Variants in HSPG2 observed in about 807,000 individuals in gnomAD.
HSPG2 encodes heparan sulfate proteoglycan 2, also known as basement membrane-specific heparan sulfate proteoglycan core protein.
A neutral mutation model predicts 526.6 loss-of-function variants in HSPG2; 278 were observed. The ratio of observed to expected loss-of-function variants is 0.53; its 90% confidence interval spans 0.48 to 0.58. The LOEUF (loss-of-function observed/expected upper bound fraction) is 0.58, where lower values mean the gene tolerates loss of function less well. Ranked by LOEUF, HSPG2 falls within the 20% of genes least tolerant of loss-of-function variation. HSPG2 has a pLI of 0.00. For missense variants in HSPG2, 5,354 were observed against 6,099.5 expected, an observed-to-expected ratio of 0.88 and a Z score of 4.07; for synonymous variants, 2,465 against 2,555.4, an observed-to-expected ratio of 0.96 and a Z score of 1.07.
At chr1:21,878,043 C>T (rs1029339814) in intron 21 of HSPG2, 143 bp downstream of exon 21, 9 of 722,232 alleles carry the variant, frequency 1.2e-5, no homozygotes, top group Middle Eastern at 3.9e-4. Flanking sequence ...TACGGAAGGC[C>T]GGTGGGCCAG....
intron 9 of HSPG2, 151 bp from the exon 10 acceptor site, chr1:21,885,602 G>GCATGATGCGGCCAC (rs1641835578): frequency 1.2e-6 from 1 of 862,274 alleles, no homozygotes; most frequent in East Asian, 2.7e-5. Flanking sequence ...CTCACAGCCA[G>GCATGATGCGGCCAC]CATGATGCGG....
At chr1:21,860,114 C>T in intron 40 of HSPG2, 63 bp downstream of exon 40, 3 of 1,607,462 alleles carry the variant, frequency 1.9e-6, no homozygotes, top group African/African-American at 1.3e-5. Flanking sequence ...CCCAGTATCC[C>T]CCAAATTCCC....
intron 91 of HSPG2, among the ~76,000 whole-genome samples, chr1:21,825,468 A>C (rs2097969128): frequency 6.6e-6 from 1 of 152,148 alleles, no homozygotes; most frequent in Non-Finnish European, 1.5e-5. Flanking sequence ...TGTTCTCTCC[A>C]TCTTACAGAA....
rs771803144 is a variant in HSPG2 at position 21,890,088 on chromosome 1, G to A, written c.467C>T (p.Ala156Val). 27 of 1,613,816 alleles carry A rather than the reference G, an allele frequency of 1.7e-5. No homozygotes were observed. Among genetic ancestry groups the A allele is most frequent in the Middle Eastern group, 1.6e-4 (1 of 6,082 alleles). The change falls in exon 6 of 97, where the codon GCG becomes GTG. Residue 156 changes from alanine to valine, a missense_variant. Ala to Val is a moderately conservative substitution (Grantham distance 64). Coordinates refer to ENST00000374695, the MANE Select transcript of HSPG2 (RefSeq NM_005529.7). The surrounding 1 kb of genome is among the most constrained non-coding windows in gnomAD (Gnocchi z 4.1). The stretch of plus-strand genomic sequence containing the variant: ...CATCTCCTGAATCTGAGCCCCATCC[G>A]CATTCCCTTCCGAGCCCACATCCAG... Reference protein sequence around the residue: ...VELDVGSEGNADGAQIQEMLL... With the variant: ...VELDVGSEGNVDGAQIQEMLL...
rs567933141 is a variant in HSPG2 at position 21,903,792 on chromosome 1, G to A, written c.64-7482C>T. Among the ~76,000 whole-genome samples the A allele has an allele frequency of 5.9e-5, 9 of 152,172 alleles. No homozygotes were observed. In the South Asian group the frequency reaches 1.9e-3, roughly 32 times the overall value. On this transcript the variant is annotated intron_variant, in intron 1 of 96. Transcript: ENST00000374695. ...CAGGCCCCATGTGGTCTCTGCCTTG[G>A]AGGCTCCTATGACATAGCTAGGGGT...
intron 1 of HSPG2, among the ~76,000 whole-genome samples, chr1:21,919,929 C>T (rs1643988737): frequency 6.6e-6 from 1 of 152,152 alleles, no homozygotes. Flanking sequence ...TTTTTTGAGA[C>T]AGAGTCTCGC....
chr1:21,865,287 C>T lies in HSPG2; in HGVS notation c.4393G>A (p.Glu1465Lys). ...CAGCATGGCCAGGTGCCCCTTACCT[C>T]TCGGAACATGATCTCGTAGCTCCTC... The part of the protein sequence containing the change: ...ERRSYEIMFR[E>K]EFWRRPDGQP... Residue 1465 changes from glutamate to lysine, a missense_variant and splice_region_variant, in exon 35 of 97, where the codon GAG (glutamate) becomes AAG (lysine). Physicochemically the swap from Glu to Lys is moderately conservative, Grantham distance 56. Coordinates refer to ENST00000374695, the MANE Select transcript of HSPG2 (RefSeq NM_005529.7). The surrounding 1 kb of genome is among the most constrained non-coding windows in gnomAD (Gnocchi z 5.4). 6.2e-7 allele frequency: 1 copy of T among 1,614,052 alleles called. No individual in the cohort carries two copies. Among genetic ancestry groups the T allele is most frequent in the Non-Finnish European group, 8.5e-7 (1 of 1,179,966 alleles).
rs1366187473 is a variant in HSPG2 at position 21,864,070 on chromosome 1, C to T, written c.4740+30G>A. On this transcript the variant is annotated intron_variant, in intron 37 of 96. Coordinates refer to ENST00000374695, the MANE Select transcript of HSPG2 (RefSeq NM_005529.7). The surrounding 1 kb of genome is among the most constrained non-coding windows in gnomAD (Gnocchi z 4.8). ...CCCCACCCAGGCCCAGCTGAGCTGA[C>T]CCCCTGTCCTGGCCTCGCTTGCAGC... 2 of 1,509,854 alleles carry T rather than the reference C, an allele frequency of 1.3e-6. No homozygotes were observed. The highest frequency in any genetic ancestry group is 1.2e-5 in the South Asian group (1 of 83,188). 93.5% of individuals were successfully genotyped at this position (1,509,854 alleles called of 1,614,324 possible).
At chr1:21,870,331 A>AG (rs1462432476) in intron 33 of HSPG2, 34 of 982,682 alleles carry the variant, frequency 3.5e-5, no homozygotes, top group Non-Finnish European at 4.1e-5. Flanking sequence ...AAATGGAGGG[A>AG]GCAGGCGAGC....
chr1:21,873,382 T>C lies in HSPG2; in HGVS notation c.3786A>G (p.Pro1262=). 1 of 1,613,842 alleles carries C rather than the reference T, an allele frequency of 6.2e-7. No individual in the cohort carries two copies. Among genetic ancestry groups the C allele is most frequent in the Non-Finnish European group, 8.5e-7 (1 of 1,179,908 alleles). The change falls in exon 30 of 97, where the codon CCA becomes CCG. Residue 1262 remains proline (P), a synonymous_variant. Coordinates refer to ENST00000374695, the MANE Select transcript of HSPG2 (RefSeq NM_005529.7). ...GYYGNPSQGQ[P]CQRDSQVPGP... ...CTCCCCAATCCTACTCACTCTGGCATGGCTGGCCCTGGCTGGGGTTGCCAT... is the reference window on the plus strand; with the variant it reads ...CTCCCCAATCCTACTCACTCTGGCACGGCTGGCCCTGGCTGGGGTTGCCAT...
chr1:21,874,734 G>A lies in HSPG2; in HGVS notation c.3415-5C>T. On this transcript the variant is annotated splice_region_variant and splice_polypyrimidine_tract_variant and intron_variant, in intron 26 of 96. Coordinates refer to ENST00000374695, the MANE Select transcript of HSPG2 (RefSeq NM_005529.7). ...TGTGTAGCCTGTGTCACAGTCCTGG[G>A]GGCAGAAAGATGGCAGTGGGAGGGA... is the stretch of plus-strand genomic sequence containing the variant. The A allele has an allele frequency of 6.3e-7, 1 of 1,594,972 alleles. No individual in the cohort carries two copies. Among genetic ancestry groups the A allele is most frequent in the Non-Finnish European group, 8.5e-7 (1 of 1,170,108 alleles).
At chr1:21,841,496 G>A (rs751013654) in intron 70 of HSPG2, 43 bp downstream of exon 70, 1 of 1,612,854 alleles carries the variant, frequency 6.2e-7, no homozygotes, top group African/African-American at 1.3e-5. Flanking sequence ...GAGAATCAGG[G>A]CTGGAAACAG....
chr1:21,884,606 T>A lies in HSPG2; in HGVS notation c.1576A>T (p.Ile526Phe). The change falls in exon 13 of 97, where the codon ATC becomes TTC. Residue 526 changes from isoleucine to phenylalanine, a missense_variant. Coordinates refer to ENST00000374695, the MANE Select transcript of HSPG2 (RefSeq NM_005529.7). ...AACLPCFCFGITSVCQSTRRF... is the reference protein window; with the variant it reads ...AACLPCFCFGFTSVCQSTRRF... ...CGGGTGCTCTGGCACACGCTGGTGA[T>A]GCCAAAGCAGAAGCAGGGCAGGCAG... is the stretch of plus-strand genomic sequence containing the variant. 6.2e-7 allele frequency: 1 copy of A among 1,610,902 alleles called. No homozygotes were observed. The highest frequency in any genetic ancestry group is 8.5e-7 in the Non-Finnish European group (1 of 1,179,786).
intron 1 of HSPG2, among the ~76,000 whole-genome samples, chr1:21,906,308 G>A (rs1442280531): frequency 6.6e-6 from 1 of 152,192 alleles, no homozygotes; most frequent in Non-Finnish European, 1.5e-5. Context: ...TGGCTCCAGG[G>A]CCTTGCGCAA....
intron 74 of HSPG2, among the ~76,000 whole-genome samples, 186 bp downstream of exon 74, chr1:21,838,639 G>A (rs535590504): frequency 2.6e-5 from 4 of 152,316 alleles, no homozygotes; most frequent in African/African-American, 7.2e-5. Flanking sequence ...TAGAGGAGCT[G>A]AGCACACATG....
intron 63 of HSPG2, 62 bp downstream of exon 63, chr1:21,846,386 G>A: frequency 6.2e-7 from 1 of 1,611,480 alleles, no homozygotes; most frequent in South Asian, 1.1e-5. Context: ...CTCCCTCTTG[G>A]CAAAGCTAGC....
Position 21,850,026 on chromosome 1 carries a change from G to C in HSPG2, c.7446+15C>G, listed in dbSNP as rs1206310018. On this transcript the variant is annotated intron_variant, in intron 57 of 96. Transcript: ENST00000374695. ...CTACAGGGTCCTTCAGGCTTCCTGA[G>C]CTCCTGCCTCCTACCTGGTGCCGGG... 6.2e-7 allele frequency: 1 copy of C among 1,612,468 alleles called. No homozygotes were observed. Among genetic ancestry groups the C allele is most frequent in the South Asian group, 1.1e-5 (1 of 91,044 alleles).
rs1638448616 is a variant in HSPG2, at chr1:21,846,524, T to C, written c.8240A>G (p.Asn2747Ser). The C allele has an allele frequency of 5.0e-6, 8 of 1,613,598 alleles. No individual in the cohort carries two copies. The highest frequency in any genetic ancestry group is 5.9e-6 in the Non-Finnish European group (7 of 1,180,034). The change falls in exon 63 of 97, where the codon AAC (asparagine) becomes AGC (serine). Residue 2747 changes from asparagine to serine, a missense_variant. Coordinates refer to ENST00000374695, the MANE Select transcript of HSPG2 (RefSeq NM_005529.7). ...HVAEGETLDLNCVVPGQAHAQ... is the reference protein window; with the variant it reads ...HVAEGETLDLSCVVPGQAHAQ... The stretch of plus-strand genomic sequence containing the variant: ...ATGGGCCTGCCCGGGGACCACGCAG[T>C]TCAGATCCAGGGTCTCCCCTTCGGC...
At chr1:21,876,208 G>T in intron 23 of HSPG2, 21 bp downstream of exon 23, 1 of 1,592,000 alleles carries the variant, frequency 6.3e-7, no homozygotes, top group Non-Finnish European at 8.6e-7. Flanking sequence ...AGTTTCCTTT[G>T]CCTTTCCACC....
Sources: gnomAD v4.1 joint callset for allele counts (sites outside exome capture counted in the v4.1 genomes callset) on GRCh38, gnomAD v4.1.1 for gene constraint, Gnocchi (gnomAD v3.1) non-coding constraint, MANE v1.5 for transcripts, NCBI Gene and HGNC (gene_info 2026-07-23, HGNC 2026-07-21) for gene names.